Variants in CUX2 observed in about 807,000 individuals in gnomAD.
The protein encoded by CUX2 is cut like homeobox 2.
CUX2 carries 40 observed loss-of-function variants against 144.8 expected under a neutral mutation model. The ratio of observed to expected loss-of-function variants is 0.28; its 90% CI spans 0.21 to 0.36. CUX2 has a LOEUF of 0.36. Among genes scored for constraint, CUX2 ranks in the 10% least tolerant of loss-of-function variants. The pLI, the probability that CUX2 is intolerant of heterozygous loss-of-function variation, is 1.00. For missense variants in CUX2, 1,615 were observed against 1,994.0 expected (o/e 0.81, Z 3.62); for synonymous variants, 827 against 875.6 (o/e 0.94, Z 0.98).
intron 16 of CUX2, among the ~76,000 whole-genome samples, chr12:111,313,323 C>T (rs7398136): frequency 0.27 from 40,119 of 150,002 alleles, 7,956 homozygotes; most frequent in East Asian, 0.74. Flanking sequence ...CCTGCCTCGG[C>T]CTCCCAAAGT....
chr12:111,086,120 A>T (rs917866835), intron 1 of CUX2, among the ~76,000 whole-genome samples: 7 of 152,350 alleles, frequency 4.6e-5, no homozygotes, highest in Non-Finnish European at 7.3e-5. Flanking sequence ...GATGATGGTC[A>T]TAGTAATTAC....
chr12:111,254,592 C>G (rs963420599), intron 3 of CUX2, among the ~76,000 whole-genome samples: 5 of 152,124 alleles, frequency 3.3e-5, no homozygotes, highest in African/African-American at 1.2e-4. Flanking sequence ...TGACTTACAC[C>G]TGAATGCTCA....
intron 1 of CUX2, among the ~76,000 whole-genome samples, chr12:111,091,712 A>G (rs1192263183): frequency 6.6e-6 from 1 of 152,196 alleles, no homozygotes; most frequent in Non-Finnish European, 1.5e-5. Flanking sequence ...GTCCAAGATC[A>G]AGGTGTCTGC....
rs756064366 is a variant in CUX2 at position 111,190,616 on chromosome 12, G to A, written c.64-23584G>A. ...TTCCTGGACATCCAGAGAGACGCCT[G>A]GCATTTTTAGCTGATCAATAGACCC... On this transcript the variant is annotated intron_variant, in intron 1 of 21. Transcript: ENST00000261726. The surrounding 1 kb of genome is among the most constrained non-coding windows in gnomAD (Gnocchi z 4.0). Among the ~76,000 whole-genome samples, 5 of 152,184 alleles carry A rather than the reference G, an allele frequency of 3.3e-5. No homozygotes were observed. The highest frequency in any genetic ancestry group is 7.3e-5 in the Non-Finnish European group (5 of 68,040).
intron 1 of CUX2, among the ~76,000 whole-genome samples, chr12:111,121,570 C>T (rs1306338555): frequency 1.3e-5 from 2 of 151,666 alleles, no homozygotes; most frequent in Non-Finnish European, 2.9e-5. Flanking sequence ...TCATGTTGGC[C>T]AGGCTGGTCT....
intron 1 of CUX2, among the ~76,000 whole-genome samples, chr12:111,173,444 A>G (rs925657793): frequency 2.6e-5 from 4 of 152,220 alleles, no homozygotes; most frequent in Non-Finnish European, 2.9e-5. Flanking sequence ...TGCTCATGCA[A>G]CATATAGTTC....
chr12:111,180,224 G>A (rs1164108534), intron 1 of CUX2, among the ~76,000 whole-genome samples: 2 of 152,036 alleles, frequency 1.3e-5, no homozygotes, highest in Non-Finnish European at 2.9e-5. Flanking sequence ...GTGCCTGCAG[G>A]TGTTCCTCTC....
chr12:111,168,972 A>G (rs1317558257), intron 1 of CUX2, among the ~76,000 whole-genome samples: 3 of 151,116 alleles, frequency 2.0e-5, no homozygotes, highest in Admixed American at 6.6e-5. Flanking sequence ...CACTGTCATC[A>G]CTACCCCTCC....
rs368356891 is a variant in CUX2, at chr12:111,334,570, C to G, written c.3056C>G (p.Ser1019Cys). The G allele has an allele frequency of 8.7e-6, 14 of 1,614,048 alleles. No individual in the cohort carries two copies. Among genetic ancestry groups the G allele is most frequent in the Non-Finnish European group, 1.1e-5 (13 of 1,180,022 alleles). Residue 1019 changes from serine to cysteine, a missense_variant, in exon 19 of 22, where the codon TCC (serine) becomes TGC (cysteine). Transcript: ENST00000261726. ...GAGAACCAGCAGCCAGAGGGCCGCT[C>G]CAGCTCCTCGTTGAGCGGGAAGATG... ...SKENQQPEGRSSSSLSGKMYS... is the reference protein window; with the variant it reads ...SKENQQPEGRCSSSLSGKMYS...
chr12:111,339,779 A>G (rs1888505296), intron 20 of CUX2, among the ~76,000 whole-genome samples: 1 of 152,238 alleles, frequency 6.6e-6, no homozygotes, highest in Non-Finnish European at 1.5e-5. Context: ...GAGAGCACCT[A>G]GGGCTGGGCC....
chr12:111,131,819 G>C (rs1875501012), intron 1 of CUX2, among the ~76,000 whole-genome samples: 1 of 152,206 alleles, frequency 6.6e-6, no homozygotes, highest in African/African-American at 2.4e-5. Context: ...CTCCACCCCT[G>C]TGGCTTTGCA....
chr12:111,328,695 G>C (rs1484730532), intron 18 of CUX2, among the ~76,000 whole-genome samples: 1 of 151,614 alleles, frequency 6.6e-6, no homozygotes, highest in Non-Finnish European at 1.5e-5. Context: ...CGGCTCCTGG[G>C]TTCAAGCAAT....
At chr12:111,088,675 T>C (rs1214391539) in intron 1 of CUX2, among the ~76,000 whole-genome samples, 3 of 152,210 alleles carry the variant, frequency 2.0e-5, no homozygotes, top group Non-Finnish European at 4.4e-5. Context: ...GGGACTTGTC[T>C]GAAGACAGAC....
Position 111,214,281 on chromosome 12 carries a change from C to G in CUX2, c.145C>G (p.Arg49Gly). The G allele has an allele frequency of 6.2e-7, 1 of 1,606,622 alleles. No homozygotes were observed. The highest frequency in any genetic ancestry group is 8.5e-7 in the Non-Finnish European group (1 of 1,176,580). The change falls in exon 2 of 22, where the codon CGC becomes GGC. Residue 49 changes from arginine to glycine, a missense_variant. Physicochemically the swap from Arg to Gly is moderately radical, Grantham distance 125. Coordinates refer to ENST00000261726, the MANE Select transcript of CUX2 (RefSeq NM_015267.4). ...EHSHKHLIEL[R>G]REFKKNVPEE... The stretch of plus-strand genomic sequence containing the variant: ...TTCTCATAAACATTTAATTGAACTC[C>G]GCCGGGAATTTAAGAAAAATGTACC...
chr12:111,132,146 G>A (rs928495979), intron 1 of CUX2, among the ~76,000 whole-genome samples: 3 of 152,148 alleles, frequency 2.0e-5, no homozygotes, highest in Admixed American at 1.3e-4. Context: ...CTCAATTCTT[G>A]ACTTCTCTGT....
chr12:111,313,934 G>T (rs1592954567), intron 16 of CUX2, among the ~76,000 whole-genome samples: 1 of 152,058 alleles, frequency 6.6e-6, no homozygotes, highest in African/African-American at 2.4e-5. Flanking sequence ...TTCCATTTTT[G>T]CAGTGTCTGC....
intron 4 of CUX2, among the ~76,000 whole-genome samples, chr12:111,284,843 C>T (rs997471142): frequency 6.6e-6 from 1 of 152,180 alleles, no homozygotes; most frequent in Admixed American, 6.6e-5. Flanking sequence ...AGTTAGTGAG[C>T]AGATGTTTAT....
rs142905926 is a variant in CUX2, at chr12:111,117,285, A to G, written c.63+83045A>G. On this transcript the variant is annotated intron_variant, in intron 1 of 21. Coordinates refer to ENST00000261726, the MANE Select transcript of CUX2 (RefSeq NM_015267.4). ...TACTCGCATGACCCATTCATTGGCTACATGTCCATCATATATGGGCAGTGG... is the reference window on the plus strand; with the variant it reads ...TACTCGCATGACCCATTCATTGGCTGCATGTCCATCATATATGGGCAGTGG... Among the ~76,000 whole-genome samples, 1,096 of 152,354 alleles carry G rather than the reference A, an allele frequency of 7.2e-3. 10 individuals are homozygous for G. The highest frequency in any genetic ancestry group is 0.041 in the Middle Eastern group (12 of 294).
At chr12:111,245,813 CA>C (rs1883253376) in intron 3 of CUX2, among the ~76,000 whole-genome samples, 1 of 151,972 alleles carries the variant, frequency 6.6e-6, no homozygotes. Flanking sequence ...TGGACACAAA[CA>C]GAAAAGTAGG....
Sources: allele counts gnomAD v4.1 joint callset (sites outside exome capture counted in the v4.1 genomes callset), GRCh38; gene constraint gnomAD v4.1.1; non-coding constraint Gnocchi (gnomAD v3.1); transcripts MANE v1.5; gene names NCBI Gene and HGNC (gene_info 2026-07-23, HGNC 2026-07-21).